Variants in CSNK1A1 observed in about 807,000 individuals in gnomAD.
The protein encoded by CSNK1A1 is casein kinase 1 alpha 1, also known as casein kinase I isoform alpha.
Under a neutral mutation model 46.1 loss-of-function variants are expected in CSNK1A1, and 7 were observed. The ratio of observed to expected loss-of-function variants is 0.15; its 90% CI spans 0.09 to 0.29. CSNK1A1 has a LOEUF of 0.29. Ranked by LOEUF, CSNK1A1 falls within the 10% of genes least tolerant of loss-of-function variation. The pLI is 1.00. For missense variants in CSNK1A1, 96 were observed against 417.1 expected, an observed-to-expected ratio of 0.23 and a Z score of 6.71; for synonymous variants, 137 against 141.5, an observed-to-expected ratio of 0.97 and a Z score of 0.23.
chr5:149,509,469 T>C (rs556289680), intron 7 of CSNK1A1, among the ~76,000 whole-genome samples: 1 of 152,236 alleles, frequency 6.6e-6, no homozygotes, highest in Non-Finnish European at 1.5e-5. Flanking sequence ...ACAGCCAAGA[T>C]TCACCACTGC....
chr5:149,497,593 C>CT, intron 9 of CSNK1A1: 3 of 985,486 alleles, frequency 3.0e-6, no homozygotes, highest in Non-Finnish European at 3.6e-6. Context: ...CATAACCACA[C>CT]TTTATCTACA....
chr5:149,550,155 C>T lies in CSNK1A1; in HGVS notation c.150G>A (p.Gln50=). 6.2e-7 allele frequency: 1 copy of T among 1,613,930 alleles called. No individual in the cohort carries two copies. Among genetic ancestry groups the T allele is most frequent in the East Asian group, 2.2e-5 (1 of 44,850 alleles). Residue 50 remains glutamine (Q), a synonymous_variant, in exon 2 of 10, where the codon CAG becomes CAA. Coordinates refer to ENST00000377843, the MANE Select transcript of CSNK1A1 (RefSeq NM_001892.6). This position sits in a 1 kb window ranked among gnomAD's most constrained non-coding sequence, Gnocchi z 4.3. ...GEEVAVKLES[Q]KARHPQLLYE... is the part of the protein sequence containing the mutation. The stretch of plus-strand genomic sequence containing the variant: ...ACAGCAACTGGGGATGCCTGGCCTT[C>T]TGAGATTCTAGCTTCACTGCCACTT...
intron 9 of CSNK1A1, chr5:149,499,121 G>A: frequency 3.0e-6 from 3 of 985,290 alleles, no homozygotes; most frequent in Non-Finnish European, 3.6e-6. Context: ...AACCTCAATA[G>A]GAATATTCAA....
intron 7 of CSNK1A1, among the ~76,000 whole-genome samples, chr5:149,507,581 C>G (rs942619796): frequency 2.0e-5 from 3 of 152,078 alleles, no homozygotes; most frequent in African/African-American, 7.2e-5. Context: ...CCAACCTCAG[C>G]TTCCTGAGTA....
At chr5:149,502,259 A>G in intron 9 of CSNK1A1, 1 of 944,026 alleles carries the variant, frequency 1.1e-6, no homozygotes, top group Non-Finnish European at 1.3e-6. Flanking sequence ...TTACTTGCTT[A>G]AAATACACTT....
Position 149,496,818 on chromosome 5 carries a change from C to A in CSNK1A1, c.*35G>T. The A allele has an allele frequency of 6.4e-7, 1 of 1,558,060 alleles. No individual in the cohort carries two copies. The highest frequency in any genetic ancestry group is 2.0e-5 in the Admixed American group (1 of 51,060). On this transcript the variant is annotated 3_prime_UTR_variant, in exon 10 of 10. Coordinates refer to ENST00000377843, the MANE Select transcript of CSNK1A1 (RefSeq NM_001892.6). Reference sequence around the variant, plus strand: ...GGGGAGAAACAAATGCTGCTCCGATCATCTGCTCTGCTTCTTCTGTTCCTC... The same window carrying A: ...GGGGAGAAACAAATGCTGCTCCGATAATCTGCTCTGCTTCTTCTGTTCCTC...
At chr5:149,544,058 T>C (rs1169043719) in intron 2 of CSNK1A1, among the ~76,000 whole-genome samples, 4 of 152,154 alleles carry the variant, frequency 2.6e-5, no homozygotes, top group African/African-American at 4.8e-5. Context: ...TTAGGATCAA[T>C]GAGGCCAGTG....
chr5:149,538,518 A>C (rs1227041418), intron 2 of CSNK1A1, among the ~76,000 whole-genome samples: 1 of 152,210 alleles, frequency 6.6e-6, no homozygotes, highest in Non-Finnish European at 1.5e-5. Flanking sequence ...GAGGGATAAA[A>C]AATAATATTA....
intron 9 of CSNK1A1, 104 bp from the exon 10 acceptor site, chr5:149,496,964 T>A: frequency 6.7e-7 from 1 of 1,481,776 alleles, no homozygotes; most frequent in Non-Finnish European, 8.9e-7. Flanking sequence ...ATAATTATAG[T>A]GGCTCATGTT....
chr5:149,510,492 T>G (rs148971438), intron 6 of CSNK1A1, among the ~76,000 whole-genome samples: 21 of 152,200 alleles, frequency 1.4e-4, no homozygotes, highest in African/African-American at 2.4e-4. Flanking sequence ...TTGTTTGTTT[T>G]TTTGAGACAA....
intron 8 of CSNK1A1, among the ~76,000 whole-genome samples, chr5:149,506,584 T>C (rs1315198365): frequency 2.6e-5 from 4 of 152,176 alleles, no homozygotes; most frequent in Non-Finnish European, 5.9e-5. Context: ...TTGAGCCACA[T>C]GTAATCTATT....
At chr5:149,516,721 T>C (rs1761416187) in intron 4 of CSNK1A1, among the ~76,000 whole-genome samples, 1 of 152,094 alleles carries the variant, frequency 6.6e-6, no homozygotes. Context: ...TCTACTGTCT[T>C]CCCCCCACCC....
At chr5:149,521,539 G>A (rs1266506200) in intron 3 of CSNK1A1, among the ~76,000 whole-genome samples, 3 of 151,558 alleles carry the variant, frequency 2.0e-5, no homozygotes, top group African/African-American at 7.3e-5. Context: ...CTCCTGCCTC[G>A]ACCTCCCAAT....
At chr5:149,510,459 C>G (rs900479589) in intron 6 of CSNK1A1, among the ~76,000 whole-genome samples, 3 of 151,468 alleles carry the variant, frequency 2.0e-5, no homozygotes, top group Admixed American at 1.3e-4. Context: ...TTCCTTTTTC[C>G]TTTTCTTTGT....
Position 149,495,975 on chromosome 5 carries a change from C to T in CSNK1A1, c.*878G>A, listed in dbSNP as rs1219487705. On this transcript the variant is annotated 3_prime_UTR_variant, in exon 10 of 10. Coordinates refer to ENST00000377843, the MANE Select transcript of CSNK1A1 (RefSeq NM_001892.6). ...GCATTTTTTGTTGTTTAAAAAAAAT[C>T]TCATTTCCTTACAGAAACAGTTTTT... 2 of 152,388 alleles carry T rather than the reference C, an allele frequency of 1.3e-5. No homozygotes were observed. The highest frequency in any genetic ancestry group is 1.9e-4 in the East Asian group (1 of 5,190). The allele number at this position is 152,388 out of a possible 1,614,324, so 9.4% of individuals were successfully genotyped here. A position where few individuals can be genotyped will look rare whatever the true frequency, so the allele number is the denominator to read the frequency against.
chr5:149,512,893 C>A (rs181140127), intron 5 of CSNK1A1, among the ~76,000 whole-genome samples, 177 bp downstream of exon 5: 1 of 152,278 alleles, frequency 6.6e-6, no homozygotes, highest in East Asian at 1.9e-4. Flanking sequence ...ATCCAGAAGA[C>A]CTCATTTAAC....
At chr5:149,503,762 T>C (rs1760945809) in intron 9 of CSNK1A1, 1 of 985,220 alleles carries the variant, frequency 1.0e-6, no homozygotes, top group African/African-American at 1.7e-5. Context: ...CACAGTAAAC[T>C]AACAAAGAAA....
rs550047750 is a variant in CSNK1A1, at chr5:149,534,342, C to T, written c.231-9171G>A. On this transcript the variant is annotated intron_variant, in intron 2 of 9. Coordinates refer to ENST00000377843, the MANE Select transcript of CSNK1A1 (RefSeq NM_001892.6). The stretch of plus-strand genomic sequence containing the variant: ...ACTAAAAACACAAAAATTAGCTGGG[C>T]GTGGTGGCGCACGCCTGTAGTCCCA... Among the ~76,000 whole-genome samples the T allele has an allele frequency of 2.6e-4, 40 of 151,892 alleles. No homozygotes were observed. The East Asian group carries it at 6.0e-3, about 23-fold the overall frequency.
intron 4 of CSNK1A1, among the ~76,000 whole-genome samples, chr5:149,516,621 C>T (rs549776092): frequency 1.3e-5 from 2 of 151,954 alleles, no homozygotes; most frequent in South Asian, 2.1e-4. Context: ...AATGATGCTA[C>T]GAAATGTAAG....
Sources: gnomAD v4.1 joint callset for allele counts (sites outside exome capture counted in the v4.1 genomes callset) on GRCh38, gnomAD v4.1.1 for gene constraint, Gnocchi (gnomAD v3.1) non-coding constraint, MANE v1.5 for transcripts, NCBI Gene and HGNC (gene_info 2026-07-23, HGNC 2026-07-21) for gene names.